The following PAFAH1B1 variants were observed in gnomAD, a reference collection of about 807,000 sequenced individuals.
PAFAH1B1 encodes platelet activating factor acetylhydrolase 1b regulatory subunit 1, also known as platelet-activating factor acetylhydrolase IB subunit beta.
PAFAH1B1 carries 2 observed loss-of-function variants against 57.5 expected under a neutral mutation model. That is an observed-to-expected ratio of 0.03 (90% CI 0.01 to 0.11). The LOEUF (loss-of-function observed/expected upper bound fraction) is 0.11. PAFAH1B1 is among the 10% of genes least tolerant of loss of function. The pLI, the probability that PAFAH1B1 is intolerant of heterozygous loss-of-function variation, is 1.00. For synonymous variants in PAFAH1B1, 152 were observed against 169.6 expected, an observed-to-expected ratio of 0.90 and a Z score of 0.81; for missense variants, 257 against 512.0, an observed-to-expected ratio of 0.50 and a Z score of 4.81.
At chr17:2,669,717 A>G (rs1597571382) in intron 5 of PAFAH1B1, among the ~76,000 whole-genome samples, 1 of 152,110 alleles carries the variant, frequency 6.6e-6, no homozygotes, top group Non-Finnish European at 1.5e-5. Flanking sequence ...AATATTCTAC[A>G]TACAAATGCC....
At chr17:2,663,456 C>G (rs978139466) in intron 2 of PAFAH1B1, among the ~76,000 whole-genome samples, 31 of 152,076 alleles carry the variant, frequency 2.0e-4, no homozygotes, top group African/African-American at 7.5e-4. Flanking sequence ...GGCTCACTCA[C>G]AGCTTGCTGC....
chr17:2,630,967 C>T (rs953913375), intron 1 of PAFAH1B1, among the ~76,000 whole-genome samples: 3 of 152,180 alleles, frequency 2.0e-5, no homozygotes, highest in East Asian at 1.9e-4. Context: ...CAAGGCTGGG[C>T]GCGGTGGCCC....
intron 2 of PAFAH1B1, among the ~76,000 whole-genome samples, chr17:2,652,260 A>G (rs1228520205): frequency 6.6e-6 from 1 of 152,012 alleles, no homozygotes; most frequent in Non-Finnish European, 1.5e-5. Flanking sequence ...AATACAAAAA[A>G]AAAAATTGGC....
At chr17:2,630,542 T>G (rs541372342) in intron 1 of PAFAH1B1, among the ~76,000 whole-genome samples, 1 of 152,328 alleles carries the variant, frequency 6.6e-6, no homozygotes, top group East Asian at 1.9e-4. Context: ...GCTCTTAAGA[T>G]TCTTTCCTTT....
chr17:2,654,028 C>A (rs1031240696), intron 2 of PAFAH1B1, among the ~76,000 whole-genome samples: 2 of 151,820 alleles, frequency 1.3e-5, no homozygotes, highest in African/African-American at 2.4e-5. Flanking sequence ...AGGATGGTCT[C>A]AATCTCCTGA....
In PAFAH1B1 at chr17:2,593,706, A is replaced by G. The variant is rs1233340025; in HGVS notation, c.-491A>G. 6 of 259,468 alleles carry G rather than the reference A, an allele frequency of 2.3e-5. No individual in the cohort carries two copies. The highest frequency in any genetic ancestry group is 3.6e-5 in the Non-Finnish European group (5 of 138,854). The allele number at this position is 259,468 out of a possible 1,614,324, so 16.1% of individuals were successfully genotyped here. A position where few individuals can be genotyped will look rare whatever the true frequency, so the allele number is the denominator to read the frequency against. On this transcript the variant is annotated 5_prime_UTR_variant, in exon 1 of 11. Coordinates refer to ENST00000397195, the MANE Select transcript of PAFAH1B1 (RefSeq NM_000430.4). The stretch of plus-strand genomic sequence containing the variant: ...GCGGAGTCCGGCGGCCGGGAGAGCG[A>G]GTGAGCGAGCGGAGGAGCAGCGACA...
chr17:2,649,425 C>G (rs1222534462), intron 2 of PAFAH1B1, among the ~76,000 whole-genome samples: 2 of 151,652 alleles, frequency 1.3e-5, no homozygotes, highest in Non-Finnish European at 2.9e-5. Flanking sequence ...ATACAAAAAT[C>G]TAGCCAGCCG....
At chr17:2,626,040 C>A (rs571672373) in intron 1 of PAFAH1B1, among the ~76,000 whole-genome samples, 20 of 152,194 alleles carry the variant, frequency 1.3e-4, no homozygotes, top group Non-Finnish European at 2.5e-4. Flanking sequence ...CACTTGAGGT[C>A]AGGAGTTGGG....
chr17:2,623,752 A>AGGTAGCTGGGATCCCCGCCAC (rs1567533406), intron 1 of PAFAH1B1, among the ~76,000 whole-genome samples: 1 of 96,898 alleles, frequency 1.0e-5, no homozygotes, highest in African/African-American at 3.8e-5. Flanking sequence ...CTCAGCCTCC[A>AGGTAGCTGGGATCCCCGCCAC]GGTAGCTGGG....
intron 2 of PAFAH1B1, chr17:2,641,159 T>G (rs2068690001): frequency 6.6e-6 from 1 of 152,294 alleles, no homozygotes. Context: ...TTTGTTTTTG[T>G]TTTTTTGGGA....
intron 2 of PAFAH1B1, among the ~76,000 whole-genome samples, chr17:2,655,609 C>T (rs1374230292): frequency 6.6e-6 from 1 of 152,108 alleles, no homozygotes; most frequent in Non-Finnish European, 1.5e-5. Flanking sequence ...TGCCACAGCC[C>T]TCCAGCCTAG....
chr17:2,664,663 T>TCGCGCGCG (rs771469012), intron 2 of PAFAH1B1, among the ~76,000 whole-genome samples: 1 of 108,198 alleles, frequency 9.2e-6, no homozygotes, highest in Non-Finnish European at 2.0e-5. Flanking sequence ...TATCTATCTA[T>TCGCGCGCG]CGCTCTCTCT....
At chr17:2,593,301 G>C (rs1306371694), upstream of PAFAH1B1, 2 of 152,242 alleles carry the variant, frequency 1.3e-5, no homozygotes, top group African/African-American at 4.8e-5. Context: ...GCCGCGGTCG[G>C]CCGCATGAGC....
rs2151677527 is a variant in PAFAH1B1, at chr17:2,683,921, T to TA, written c.*2119_*2120insA. 6.5e-6 allele frequency: 1 copy of TA among 152,784 alleles called. No homozygotes were observed. Among genetic ancestry groups the TA allele is most frequent in the East Asian group, 1.9e-4 (1 of 5,190 alleles). 9.5% of individuals were successfully genotyped at this position (152,784 alleles called of 1,614,324 possible). The stretch of plus-strand genomic sequence containing the variant: ...ATTTTAATTCATTTTTAGCATGAAT[T>TA]GTTTAAGGGTAAGCCACAACATCTA... On this transcript the variant is annotated 3_prime_UTR_variant, in exon 11 of 11. Coordinates refer to ENST00000397195, the MANE Select transcript of PAFAH1B1 (RefSeq NM_000430.4).
chr17:2,659,452 G>A (rs918804890), intron 2 of PAFAH1B1: 10 of 281,536 alleles, frequency 3.6e-5, no homozygotes, highest in Admixed American at 2.5e-4. Context: ...CAGGAGAATC[G>A]TGAGGTTGTG....
intron 6 of PAFAH1B1, among the ~76,000 whole-genome samples, chr17:2,671,596 CTTTT>C (rs1216997597): frequency 8.6e-6 from 1 of 116,102 alleles, no homozygotes; most frequent in Non-Finnish European, 1.7e-5. Flanking sequence ...CCAACACCAC[CTTTT>C]TTTTTTTTTT....
At chr17:2,622,580 C>A (rs1007046080) in intron 1 of PAFAH1B1, among the ~76,000 whole-genome samples, 1 of 152,196 alleles carries the variant, frequency 6.6e-6, no homozygotes, top group Non-Finnish European at 1.5e-5. Flanking sequence ...TCTGCTCCTG[C>A]GGCTTTGCAG....
chr17:2,680,466 C>G (rs1267885957), intron 10 of PAFAH1B1, 146 bp downstream of exon 10: 5 of 770,434 alleles, frequency 6.5e-6, no homozygotes, highest in Non-Finnish European at 1.2e-5. Flanking sequence ...TTGTGGATTC[C>G]TACCATTTGT....
chr17:2,594,675 GCATCCAC>G (rs568656263), intron 1 of PAFAH1B1, among the ~76,000 whole-genome samples: 2,145 of 152,340 alleles, frequency 0.014, 16 homozygotes, highest in Non-Finnish European at 0.024. Flanking sequence ...GCAATCCGCA[GCATCCAC>G]CCACCGAATC....
Sources: allele counts gnomAD v4.1 joint callset (sites outside exome capture counted in the v4.1 genomes callset), GRCh38; gene constraint gnomAD v4.1.1; transcripts MANE v1.5; gene names NCBI Gene and HGNC (gene_info 2026-07-23, HGNC 2026-07-21).